The following STPG2 variants were observed in gnomAD, a reference collection of about 807,000 sequenced individuals.
STPG2 encodes sperm tail PG-rich repeat containing 2.
A neutral mutation model predicts 54.2 loss-of-function variants in STPG2; 56 were observed. That is an observed-to-expected ratio of 1.03 (90% CI 0.83 to 1.29). The LOEUF is 1.29. STPG2 is among the 50% of genes most tolerant of loss of function. The pLI is 0.00. For missense variants in STPG2, 596 were observed against 544.9 expected (o/e 1.09, Z -0.93); for synonymous variants, 200 against 181.8 (o/e 1.10, Z -0.81).
chr4:97,550,046 T>C (rs1259554008), intron 4 of STPG2, among the ~76,000 whole-genome samples: 2 of 152,070 alleles, frequency 1.3e-5, no homozygotes, highest in Non-Finnish European at 1.5e-5. Context: ...ATCAATTAAA[T>C]AAAAAGATGT....
intron 9 of STPG2, among the ~76,000 whole-genome samples, chr4:97,750,019 C>T (rs1725535776): frequency 1.3e-5 from 2 of 151,708 alleles, no homozygotes; most frequent in Admixed American, 1.3e-4. Flanking sequence ...CAGGTTAAAG[C>T]CTTCCAAAAC....
intron 8 of STPG2, among the ~76,000 whole-genome samples, chr4:97,858,004 T>TA (rs936934247): frequency 6.6e-6 from 1 of 151,796 alleles, no homozygotes; most frequent in Non-Finnish European, 1.5e-5. Flanking sequence ...TTGGATGATA[T>TA]AAAAAAATTA....
intron 9 of STPG2, among the ~76,000 whole-genome samples, chr4:97,733,516 C>T (rs569410182): frequency 2.0e-5 from 3 of 151,830 alleles, no homozygotes; most frequent in Non-Finnish European, 2.9e-5. Context: ...CAGATAAAAT[C>T]GCAAATTCAC....
intron 10 of STPG2, among the ~76,000 whole-genome samples, chr4:97,682,543 T>C (rs1723066998): frequency 6.6e-6 from 1 of 151,768 alleles, no homozygotes; most frequent in South Asian, 2.1e-4. Context: ...GACCCAAATA[T>C]TTCTCTTTTA....
chr4:97,690,515 A>G lies in STPG2; in HGVS notation c.1320+22184T>C, dbSNP rs531270589. ...GGACCATTCCTGATGTATAATGATTATACAAACTGATAGGGACAATCTGCT... is the reference window on the plus strand; with the variant it reads ...GGACCATTCCTGATGTATAATGATTGTACAAACTGATAGGGACAATCTGCT... On this transcript the variant is annotated intron_variant, in intron 10 of 10. Transcript: ENST00000295268. Among the ~76,000 whole-genome samples the G allele has an allele frequency of 2.6e-5, 4 of 152,230 alleles. No homozygotes were observed. The East Asian group carries it at 7.7e-4, about 29-fold the overall frequency.
intron 7 of STPG2, among the ~76,000 whole-genome samples, chr4:97,950,717 G>A (rs1048015881): frequency 1.3e-5 from 2 of 152,168 alleles, no homozygotes; most frequent in Non-Finnish European, 2.9e-5. Context: ...CGCTGTCCAT[G>A]TTCATTGCTG....
intron 3 of STPG2, among the ~76,000 whole-genome samples, chr4:98,117,487 T>C (rs899326753): frequency 6.6e-6 from 1 of 152,058 alleles, no homozygotes; most frequent in African/African-American, 2.4e-5. Flanking sequence ...TTTTCAGCCA[T>C]GATTTCTTCA....
intron 5 of STPG2, among the ~76,000 whole-genome samples, chr4:97,992,047 TTATC>T (rs1735036206): frequency 6.6e-6 from 1 of 152,198 alleles, no homozygotes; most frequent in African/African-American, 2.4e-5. Context: ...ACTCTATGGG[TTATC>T]TGTTTACCCT....
chr4:97,746,477 A>G (rs1372136777), intron 9 of STPG2, among the ~76,000 whole-genome samples: 1 of 151,316 alleles, frequency 6.6e-6, no homozygotes, highest in African/African-American at 2.4e-5. Flanking sequence ...AACAGAAGGG[A>G]CAAAACTTTT....
chr4:98,025,309 A>G (rs1736377824), intron 5 of STPG2: 1 of 196,778 alleles, frequency 5.1e-6, no homozygotes, highest in Admixed American at 5.5e-5. Flanking sequence ...AGGAAACAGA[A>G]GCTGACTAAT....
chr4:97,868,417 C>G (rs1051030672), intron 8 of STPG2, among the ~76,000 whole-genome samples: 1 of 151,856 alleles, frequency 6.6e-6, no homozygotes, highest in African/African-American at 2.4e-5. Flanking sequence ...AACTTCCTTT[C>G]AGGGACAATT....
At chr4:97,837,184 G>C (rs765041680) in intron 9 of STPG2, among the ~76,000 whole-genome samples, 5 of 151,418 alleles carry the variant, frequency 3.3e-5, no homozygotes, top group Non-Finnish European at 5.9e-5. Flanking sequence ...TTTTAATGAA[G>C]TCCTTGATGT....
At chr4:98,122,318 A>G (rs954937844) in intron 3 of STPG2, among the ~76,000 whole-genome samples, 1 of 152,220 alleles carries the variant, frequency 6.6e-6, no homozygotes, top group South Asian at 2.1e-4. Flanking sequence ...CCCATTTAGT[A>G]TATCGGCTGT....
intron 10 of STPG2, among the ~76,000 whole-genome samples, chr4:97,583,685 A>G (rs966703973): frequency 2.6e-5 from 4 of 151,930 alleles, no homozygotes; most frequent in African/African-American, 9.7e-5. Context: ...ATGTAAAAAG[A>G]TATTCCATGC....
intron 7 of STPG2, among the ~76,000 whole-genome samples, chr4:97,956,281 TA>T (rs1462320658): frequency 6.6e-6 from 1 of 152,034 alleles, no homozygotes; most frequent in Non-Finnish European, 1.5e-5. Context: ...AAAAGAATAG[TA>T]AAAAAACTAA....
intron 9 of STPG2, among the ~76,000 whole-genome samples, chr4:97,787,365 C>T (rs995425246): frequency 2.0e-5 from 3 of 151,994 alleles, no homozygotes; most frequent in Non-Finnish European, 2.9e-5. Context: ...CTGTTAAATG[C>T]CTTTTTCGCC....
chr4:98,111,929 T>C (rs1286131010), intron 3 of STPG2, among the ~76,000 whole-genome samples: 1 of 152,030 alleles, frequency 6.6e-6, no homozygotes, highest in African/African-American at 2.4e-5. Flanking sequence ...TTCTTGGACT[T>C]TCCCCAGCAG....
intron 8 of STPG2, among the ~76,000 whole-genome samples, chr4:97,923,311 G>A (rs1038696396): frequency 7.6e-5 from 6 of 78,806 alleles, no homozygotes; most frequent in African/African-American, 1.4e-4. Flanking sequence ...CACCCCCCCC[G>A]CCATGGGCTC....
intron 5 of STPG2, among the ~76,000 whole-genome samples, chr4:98,041,357 T>C (rs1736951193): frequency 6.6e-6 from 1 of 151,942 alleles, no homozygotes; most frequent in Non-Finnish European, 1.5e-5. Context: ...GAACTTTCCA[T>C]ACTATGTTGA....
Sources: gnomAD v4.1 joint callset for allele counts (sites outside exome capture counted in the v4.1 genomes callset) on GRCh38, gnomAD v4.1.1 for gene constraint, MANE v1.5 for transcripts, NCBI Gene and HGNC (gene_info 2026-07-23, HGNC 2026-07-21) for gene names.